The following NUDT9 variants were observed in gnomAD, a reference collection of about 807,000 sequenced individuals.
The protein encoded by NUDT9 is nudix hydrolase 9.
NUDT9 carries 31 observed loss-of-function variants against 41.0 expected under a neutral mutation model. The observed-to-expected ratio is 0.76, with a 90% CI of 0.57 to 1.02. The LOEUF (loss-of-function observed/expected upper bound fraction) is 1.02, where lower values mean the gene tolerates loss of function less well. Ranked by LOEUF, NUDT9 falls within the 50% of genes least tolerant of loss-of-function variation. The pLI is 0.00. For missense variants in NUDT9, 380 were observed against 431.4 expected (o/e 0.88, Z 1.06); for synonymous variants, 146 against 147.6 (o/e 0.99, Z 0.08).
chr4:87,447,514 G>T (rs1722513132), intron 4 of NUDT9, among the ~76,000 whole-genome samples: 1 of 149,688 alleles, frequency 6.7e-6, no homozygotes. Context: ...TTGCCTGAGA[G>T]ATCATTAGGA....
intron 1 of NUDT9, among the ~76,000 whole-genome samples, chr4:87,429,790 CCTTT>C (rs1323434551): frequency 6.7e-6 from 1 of 149,960 alleles, no homozygotes; most frequent in Non-Finnish European, 1.5e-5. Context: ...CGTTCTCCTT[CCTTT>C]CTTTTCCCTC....
intron 1 of NUDT9, among the ~76,000 whole-genome samples, chr4:87,432,619 C>T (rs1340554034): frequency 6.6e-6 from 1 of 152,106 alleles, no homozygotes; most frequent in Non-Finnish European, 1.5e-5. Flanking sequence ...AGTCTTTCAC[C>T]TTCACACCAT....
chr4:87,444,274 A>G (rs1463365909), intron 4 of NUDT9, among the ~76,000 whole-genome samples: 1 of 152,020 alleles, frequency 6.6e-6, no homozygotes, highest in Non-Finnish European at 1.5e-5. Context: ...TATAATAATA[A>G]TTTGATAGTT....
chr4:87,435,047 A>G lies in NUDT9; in HGVS notation c.174A>G (p.Lys58=). The change falls in exon 2 of 8, where the codon AAA becomes AAG. Residue 58 remains lysine (K), a synonymous_variant. Transcript: ENST00000302174. The stretch of plus-strand genomic sequence containing the variant: ...TCATGTCTGGTTCTAATGGTTCCAA[A>G]GAAAATTCTCACAATAAGGCTCGGA... ...TNVMSGSNGS[K]ENSHNKARTS... 6.2e-7 allele frequency: 1 copy of G among 1,614,186 alleles called. No individual in the cohort carries two copies. Among genetic ancestry groups the G allele is most frequent in the Non-Finnish European group, 8.5e-7 (1 of 1,180,026 alleles).
chr4:87,422,903 C>G lies in NUDT9; in HGVS notation c.-3C>G. On this transcript the variant is annotated 5_prime_UTR_variant, in exon 1 of 8. Transcript: ENST00000302174. The stretch of plus-strand genomic sequence containing the variant: ...GCATCGCAAAGCCGCCCTCGGGGCG[C>G]TCATGGCGGGACGCCTCCTGGGAAA... The G allele has an allele frequency of 6.2e-7, 1 of 1,608,994 alleles. No homozygotes were observed. Among genetic ancestry groups the G allele is most frequent in the Non-Finnish European group, 8.5e-7 (1 of 1,179,438 alleles).
At chr4:87,441,943 A>G in intron 4 of NUDT9, 28 bp downstream of exon 4, 1 of 1,520,398 alleles carries the variant, frequency 6.6e-7, no homozygotes, top group Non-Finnish European at 9.0e-7. Flanking sequence ...GCATATCAGT[A>G]GCAAAGAGCT....
chr4:87,437,732 C>A (rs1224554539), intron 2 of NUDT9, among the ~76,000 whole-genome samples: 3 of 152,150 alleles, frequency 2.0e-5, no homozygotes, highest in Admixed American at 1.3e-4. Context: ...AGATCAAGAT[C>A]TAGAACATTT....
rs1311146796 is a variant in NUDT9 at position 87,441,888 on chromosome 4, A to AT, written c.504dup (p.His169SerfsTer14). On this transcript the variant is annotated frameshift_variant, in exon 4 of 8. Coordinates refer to ENST00000302174, the MANE Select transcript of NUDT9 (RefSeq NM_024047.5). LOFTEE classifies it high-confidence loss of function. ...GGGCTTTTGGGGCGATGGGGCCCAA[A>AT]TCACGCTGCAGATCCCATTATAACC... The AT allele has an allele frequency of 6.2e-7, 1 of 1,613,150 alleles. No homozygotes were observed. The highest frequency in any genetic ancestry group is 1.3e-5 in the African/African-American group (1 of 74,854).
intron 3 of NUDT9, among the ~76,000 whole-genome samples, chr4:87,441,357 A>G (rs1434868983): frequency 6.6e-6 from 1 of 152,356 alleles, no homozygotes; most frequent in Middle Eastern, 3.4e-3. Flanking sequence ...ATACCTTATC[A>G]TATGCTACAA....
At position 87,422,879 on chromosome 4, in the gene NUDT9, C is replaced by T. The variant is rs755699643; in HGVS notation, c.-27C>T. 6 of 1,586,958 alleles carry T rather than the reference C, an allele frequency of 3.8e-6. No homozygotes were observed. The South Asian group carries it at 5.5e-5, about 15-fold the overall frequency. On this transcript the variant is annotated 5_prime_UTR_variant, in exon 1 of 8. Transcript: ENST00000302174. ...GAGGCACCAACTAAGAGCGACCTAGCATCGCAAAGCCGCCCTCGGGGCGCT... is the reference window on the plus strand; with the variant it reads ...GAGGCACCAACTAAGAGCGACCTAGTATCGCAAAGCCGCCCTCGGGGCGCT...
intron 1 of NUDT9, among the ~76,000 whole-genome samples, chr4:87,427,529 G>A (rs1321775360): frequency 2.0e-5 from 3 of 152,178 alleles, no homozygotes; most frequent in Non-Finnish European, 1.5e-5. Flanking sequence ...ACTTCTTGAT[G>A]TGATAAGATG....
intron 4 of NUDT9, among the ~76,000 whole-genome samples, chr4:87,442,342 C>A (rs1279656097): frequency 2.0e-5 from 3 of 152,022 alleles, no homozygotes; most frequent in Non-Finnish European, 2.9e-5. Context: ...AGATAAAAAA[C>A]CATACACCTG....
chr4:87,456,033 G>C (rs1578082644), intron 7 of NUDT9, among the ~76,000 whole-genome samples: 1 of 152,090 alleles, frequency 6.6e-6, no homozygotes, highest in Admixed American at 6.6e-5. Context: ...TTTAGCGTGA[G>C]GTTTTATGTT....
intron 6 of NUDT9, 55 bp downstream of exon 6, chr4:87,451,790 T>G: frequency 6.7e-7 from 1 of 1,488,986 alleles, no homozygotes. Context: ...TGAAAATGAC[T>G]TAAAAGTTGA....
At chr4:87,450,378 CTTTTTTTTTT>C (rs59228872) in intron 5 of NUDT9, among the ~76,000 whole-genome samples, 4 of 102,334 alleles carry the variant, frequency 3.9e-5, no homozygotes, top group East Asian at 2.8e-4. Context: ...TTTTCTTTTT[CTTTTTTTTTT>C]TTTTTTTTTT....
At chr4:87,434,381 T>G (rs1721814829) in intron 1 of NUDT9, 1 of 151,190 alleles carries the variant, frequency 6.6e-6, no homozygotes, top group South Asian at 2.1e-4. Flanking sequence ...CATAACAAAC[T>G]TCCCCTTCCA....
chr4:87,434,208 A>T (rs1470015243), intron 1 of NUDT9: 1 of 151,644 alleles, frequency 6.6e-6, no homozygotes, highest in Non-Finnish European at 1.5e-5. Flanking sequence ...ACACCTGGCT[A>T]ATTTTTGTAT....
In NUDT9 at chr4:87,426,558, TGC is replaced by T. The variant is rs1721431801; in HGVS notation, c.107+3547_107+3548del. The stretch of plus-strand genomic sequence containing the variant: ...GTGAGTAGCTAGGATTACAGGCGTC[TGC>T]CACCATGCCTAGCTAATTTTTTTGT... On this transcript the variant is annotated intron_variant, in intron 1 of 7. Coordinates refer to ENST00000302174, the MANE Select transcript of NUDT9 (RefSeq NM_024047.5). Among the ~76,000 whole-genome samples the T allele has an allele frequency of 2.0e-5, 3 of 151,962 alleles. No homozygotes were observed. The South Asian group carries it at 6.2e-4, about 31-fold the overall frequency.
At chr4:87,455,630 G>A (rs4642210) in intron 7 of NUDT9, among the ~76,000 whole-genome samples, 101,172 of 150,382 alleles carry the variant, frequency 0.67, 34,469 homozygotes, top group African/African-American at 0.8. Context: ...GCCTTTTAGC[G>A]TGCTTTTAGT....
Sources: gnomAD v4.1 joint callset for allele counts (sites outside exome capture counted in the v4.1 genomes callset) on GRCh38, gnomAD v4.1.1 for gene constraint, MANE v1.5 for transcripts, NCBI Gene and HGNC (gene_info 2026-07-23, HGNC 2026-07-21) for gene names.